Variants in FAM184B observed in about 807,000 individuals in gnomAD.
FAM184B encodes family with sequence similarity 184 member B, also known as protein FAM184B.
In FAM184B, 111 loss-of-function variants were observed where a neutral mutation model predicts 135.9. That is an observed-to-expected ratio of 0.82 (90% CI 0.70 to 0.96). The LOEUF (loss-of-function observed/expected upper bound fraction) is 0.96. Ranked by LOEUF, FAM184B falls within the 40% of genes least tolerant of loss-of-function variation. The pLI, the probability that FAM184B is intolerant of heterozygous loss-of-function variation, is 0.00. For missense variants in FAM184B, 1,375 were observed against 1,323.9 expected (o/e 1.04, Z -0.60); for synonymous variants, 552 against 524.8 (o/e 1.05, Z -0.71).
chr4:17,704,959 G>T lies in FAM184B; in HGVS notation c.1377+41C>A, dbSNP rs1164091954. ...AAGGAAAGAAAGGAGGTGGGAGAAAGAAAAAAGAACCAGAACAGTCTCTAT... is the reference window on the plus strand; with the variant it reads ...AAGGAAAGAAAGGAGGTGGGAGAAATAAAAAAGAACCAGAACAGTCTCTAT... On this transcript the variant is annotated intron_variant, in intron 5 of 17. Coordinates refer to ENST00000265018, the MANE Select transcript of FAM184B (RefSeq NM_015688.2). 3.3e-6 allele frequency: 5 copies of T among 1,512,364 alleles called. No homozygotes were observed. In the African/African-American group the frequency reaches 5.6e-5, roughly 17 times the overall value. The allele number at this position is 1,512,364 out of a possible 1,614,324, so 93.7% of individuals were successfully genotyped here.
At chr4:17,691,988 G>A (rs1716746914) in intron 6 of FAM184B, among the ~76,000 whole-genome samples, 2 of 152,078 alleles carry the variant, frequency 1.3e-5, no homozygotes, top group South Asian at 4.2e-4. Context: ...GGGAGGCGGA[G>A]GTTGCAGTGA....
rs944447653 is a variant in FAM184B, at chr4:17,630,469, A to G, written c.*2063T>C. Reference sequence around the variant, plus strand: ...CGTAGCAGGCACCCATTTCTGAAGAATGGGCCCTCCCCAGACTCCATATCT... The same window carrying G: ...CGTAGCAGGCACCCATTTCTGAAGAGTGGGCCCTCCCCAGACTCCATATCT... On this transcript the variant is annotated 3_prime_UTR_variant, in exon 18 of 18. Coordinates refer to ENST00000265018, the MANE Select transcript of FAM184B (RefSeq NM_015688.2). The G allele has an allele frequency of 2.0e-5, 3 of 152,182 alleles. No individual in the cohort carries two copies. Among genetic ancestry groups the G allele is most frequent in the Non-Finnish European group, 4.4e-5 (3 of 68,036 alleles). 9.4% of individuals were successfully genotyped at this position (152,182 alleles called of 1,614,324 possible).
At chr4:17,710,101 G>A (rs1282293792) in intron 1 of FAM184B, among the ~76,000 whole-genome samples, 1 of 152,060 alleles carries the variant, frequency 6.6e-6, no homozygotes, top group African/African-American at 2.4e-5. Context: ...AGAGGCAGGC[G>A]GATCACCTGA....
intron 1 of FAM184B, among the ~76,000 whole-genome samples, chr4:17,734,443 C>G (rs1221605648): frequency 7.2e-5 from 11 of 151,770 alleles, no homozygotes; most frequent in Admixed American, 1.3e-4. Context: ...CTGACAAAGG[C>G]CTAATATCCA....
At chr4:17,744,015 T>G (rs1192414297) in intron 1 of FAM184B, among the ~76,000 whole-genome samples, 1 of 152,188 alleles carries the variant, frequency 6.6e-6, no homozygotes, top group Non-Finnish European at 1.5e-5. Flanking sequence ...CTGTGGTTAT[T>G]AGACTGCTGT....
intron 1 of FAM184B, among the ~76,000 whole-genome samples, chr4:17,760,326 T>C (rs1718516390): frequency 6.6e-6 from 1 of 151,964 alleles, no homozygotes; most frequent in African/African-American, 2.4e-5. Flanking sequence ...TAGCTGGCAT[T>C]GGTGGCGTGT....
chr4:17,634,024 G>T, intron 16 of FAM184B, 136 bp from the exon 17 acceptor site: 1 of 606,984 alleles, frequency 1.6e-6, no homozygotes, highest in Non-Finnish European at 2.5e-6. Context: ...ACACTTACAT[G>T]CTATTTTTTA....
Position 17,630,749 on chromosome 4 carries a change from T to C in FAM184B, c.*1783A>G, listed in dbSNP as rs1488782164. The C allele has an allele frequency of 3.3e-5, 5 of 151,362 alleles. No homozygotes were observed. Among genetic ancestry groups the C allele is most frequent in the African/African-American group, 1.2e-4 (5 of 41,372 alleles). The allele number at this position is 151,362 out of a possible 1,614,324, so 9.4% of individuals were successfully genotyped here. A position where few individuals can be genotyped will look rare whatever the true frequency, so the allele number is the denominator to read the frequency against. On this transcript the variant is annotated 3_prime_UTR_variant, in exon 18 of 18. Coordinates refer to ENST00000265018, the MANE Select transcript of FAM184B (RefSeq NM_015688.2). The stretch of plus-strand genomic sequence containing the variant: ...GATTAGGCAGTAAATTTACCTTTAA[T>C]ACGTAAGTTTGACAGTTATATGTAA...
intron 1 of FAM184B, among the ~76,000 whole-genome samples, chr4:17,744,932 G>A (rs1718127688): frequency 6.6e-6 from 1 of 152,196 alleles, no homozygotes; most frequent in Non-Finnish European, 1.5e-5. Flanking sequence ...GTCTAAAGGA[G>A]GCAGTAGGAC....
chr4:17,714,650 T>C (rs1016990922), intron 1 of FAM184B, among the ~76,000 whole-genome samples: 1 of 152,190 alleles, frequency 6.6e-6, no homozygotes, highest in Non-Finnish European at 1.5e-5. Flanking sequence ...ATAGCCATGC[T>C]CGGGGCTATG....
At chr4:17,775,050 G>GCAGTGGTATGATCT (rs144325997) in intron 1 of FAM184B, among the ~76,000 whole-genome samples, 1,863 of 134,600 alleles carry the variant, frequency 0.014, 40 homozygotes, top group African/African-American at 0.05. Context: ...AGGCTGGAGT[G>GCAGTGGTATGATCT]CAGTGGTATG....
At chr4:17,671,096 A>G (rs1309389619) in intron 7 of FAM184B, among the ~76,000 whole-genome samples, 1 of 152,142 alleles carries the variant, frequency 6.6e-6, no homozygotes, top group East Asian at 1.9e-4. Flanking sequence ...TCAGAAACTA[A>G]TCAAAAGGCT....
intron 6 of FAM184B, among the ~76,000 whole-genome samples, chr4:17,691,154 G>A (rs1432619226): frequency 1.3e-5 from 2 of 152,036 alleles, no homozygotes; most frequent in Non-Finnish European, 2.9e-5. Flanking sequence ...GTTAAGGGTG[G>A]GGTCATTAGA....
At chr4:17,711,200 A>AT (rs1717260051) in intron 1 of FAM184B, among the ~76,000 whole-genome samples, 1 of 151,910 alleles carries the variant, frequency 6.6e-6, no homozygotes, top group East Asian at 1.9e-4. Context: ...CAAAAAAAAA[A>AT]GCCAGATGTG....
rs1336993113 is a variant in FAM184B, at chr4:17,704,926, G to A, written c.1377+74C>T. 2.0e-5 allele frequency: 26 copies of A among 1,327,874 alleles called. No homozygotes were observed. The East Asian group carries it at 5.3e-4, about 27-fold the overall frequency. The allele number at this position is 1,327,874 out of a possible 1,614,324, so 82.3% of individuals were successfully genotyped here. Reference sequence around the variant, plus strand: ...GTAAATGTTTGAGGAAGAAAAGAAGGAACAAAAAAGGAAAGAAAGGAGGTG... The same window carrying A: ...GTAAATGTTTGAGGAAGAAAAGAAGAAACAAAAAAGGAAAGAAAGGAGGTG... On this transcript the variant is annotated intron_variant, in intron 5 of 17. Coordinates refer to ENST00000265018, the MANE Select transcript of FAM184B (RefSeq NM_015688.2).
At chr4:17,774,114 C>T (rs1001901747) in intron 1 of FAM184B, among the ~76,000 whole-genome samples, 3 of 152,134 alleles carry the variant, frequency 2.0e-5, no homozygotes, top group African/African-American at 7.2e-5. Context: ...TGGCGGCTCA[C>T]GCCTGCAACC....
At position 17,639,252 on chromosome 4, in the gene FAM184B, G is replaced by A. The variant is rs758076895; in HGVS notation, c.2664C>T (p.Ala888=). Residue 888 remains alanine, a splice_region_variant and synonymous_variant, in exon 14 of 18, where the codon GCC becomes GCT. Coordinates refer to ENST00000265018, the MANE Select transcript of FAM184B (RefSeq NM_015688.2). The stretch of plus-strand genomic sequence containing the variant: ...CTGGGGCCCGAGGCCTCACTTACTC[G>A]GCTTCCAGGGCAGCCAGCCGGGCCT... ...QLQARLAALE[A]ELKDSGEKPG... 1.0e-4 allele frequency: 157 copies of A among 1,551,558 alleles called. 1 individual carries two copies. The highest frequency in any genetic ancestry group is 8.0e-4 in the South Asian group (67 of 84,062).
chr4:17,653,981 A>G (rs1237016303), intron 10 of FAM184B, among the ~76,000 whole-genome samples: 4 of 56,176 alleles, frequency 7.1e-5, no homozygotes, highest in African/African-American at 2.0e-4. Flanking sequence ...GGAAGGGACC[A>G]GAAGCCACGG....
At chr4:17,678,742 C>A (rs1203503422) in intron 7 of FAM184B, among the ~76,000 whole-genome samples, 3 of 152,074 alleles carry the variant, frequency 2.0e-5, no homozygotes, top group African/African-American at 7.2e-5. Flanking sequence ...GCAAAAAGAA[C>A]AAATCTGGAG....
Sources: allele counts gnomAD v4.1 joint callset (sites outside exome capture counted in the v4.1 genomes callset), GRCh38; gene constraint gnomAD v4.1.1; transcripts MANE v1.5; gene names NCBI Gene and HGNC (gene_info 2026-07-23, HGNC 2026-07-21).